The following ANK3 variants were observed in gnomAD, a reference collection of about 807,000 sequenced individuals.
The protein encoded by ANK3 is ankyrin 3, also known as ankyrin-3.
ANK3 carries 57 observed loss-of-function variants against 370.9 expected under a neutral mutation model. That is an observed-to-expected ratio of 0.15 (90% CI 0.12 to 0.19). The LOEUF (loss-of-function observed/expected upper bound fraction) is 0.19, where lower values mean the gene tolerates loss of function less well. Ranked by LOEUF, ANK3 falls within the 10% of genes least tolerant of loss-of-function variation. The probability of loss-of-function intolerance (pLI) is 1.00; values close to 1 mark genes in which losing one functional copy is unlikely to be tolerated. For missense variants in ANK3, 4,439 were observed against 5,302.1 expected, an observed-to-expected ratio of 0.84 and a Z score of 5.06; for synonymous variants, 1,929 against 1,946.3, an observed-to-expected ratio of 0.99 and a Z score of 0.23.
intron 1 of ANK3, among the ~76,000 whole-genome samples, chr10:60,303,478 T>C (rs528233630): frequency 1.3e-5 from 2 of 152,106 alleles, no homozygotes; most frequent in South Asian, 2.1e-4. Flanking sequence ...CCAGCAGATA[T>C]AGGAAATGGT....
chr10:60,091,201 C>T (rs554628403), intron 28 of ANK3, among the ~76,000 whole-genome samples: 3 of 152,288 alleles, frequency 2.0e-5, no homozygotes, highest in Admixed American at 6.5e-5. Flanking sequence ...CCACAGCACC[C>T]GGCAGCATTG....
rs753197813 is a variant in ANK3, at chr10:60,198,372, C to T, written c.1657G>A (p.Asp553Asn). 1.9e-6 allele frequency: 3 copies of T among 1,614,044 alleles called. No individual in the cohort carries two copies. The African/African-American group carries it at 4.0e-5, about 22-fold the overall frequency. Residue 553 changes from aspartate to asparagine, a missense_variant, in exon 14 of 44, where the codon GAT (aspartate) becomes AAT (asparagine). Asp to Asn is a conservative substitution (Grantham distance 23). Transcript: ENST00000280772. Reference protein sequence around the residue: ...GHEDVAAFLLDHGASLSITTK... With the variant: ...GHEDVAAFLLNHGASLSITTK... ...GTTATAGATAAAGACGCTCCATGATCCAAAAGGAACGCGGCCACATCCTCA... is the reference window on the plus strand; with the variant it reads ...GTTATAGATAAAGACGCTCCATGATTCAAAAGGAACGCGGCCACATCCTCA...
intron 4 of ANK3, 26 bp from the exon 5 acceptor site, chr10:60,270,255 G>C: frequency 6.6e-7 from 1 of 1,512,214 alleles, no homozygotes; most frequent in Non-Finnish European, 9.0e-7. Context: ...AAAAATGTTT[G>C]TCTGCAGCTT....
chr10:60,203,636 T>C (rs2096717830), intron 11 of ANK3, among the ~76,000 whole-genome samples: 1 of 152,232 alleles, frequency 6.6e-6, no homozygotes, highest in Non-Finnish European at 1.5e-5. Flanking sequence ...CATTTAATTG[T>C]TTAACTTTAT....
chr10:60,132,483 T>C (rs768579599), intron 25 of ANK3, among the ~76,000 whole-genome samples: 1 of 152,180 alleles, frequency 6.6e-6, no homozygotes, highest in Non-Finnish European at 1.5e-5. Context: ...TGTCTCTTTC[T>C]CTTCCACAAT....
At chr10:60,229,336 A>T (rs2097208537) in intron 8 of ANK3, among the ~76,000 whole-genome samples, 1 of 152,204 alleles carries the variant, frequency 6.6e-6, no homozygotes, top group East Asian at 1.9e-4. Context: ...GAACTCAAGG[A>T]GGAAGTACTG....
intron 28 of ANK3, among the ~76,000 whole-genome samples, chr10:60,096,732 GAA>G (rs1205776727): frequency 3.3e-5 from 5 of 150,318 alleles, no homozygotes; most frequent in Non-Finnish European, 7.4e-5. Context: ...TAAAAAATAA[GAA>G]TGGTTTAATA....
At chr10:60,487,121 G>A (rs2075369504) in intron 2 of ANK3, among the ~76,000 whole-genome samples, 1 of 152,028 alleles carries the variant, frequency 6.6e-6, no homozygotes, top group African/African-American at 2.4e-5. Flanking sequence ...TCTTGAGAGG[G>A]GAAAATAACT....
chr10:60,279,625 T>C lies in ANK3; in HGVS notation c.129A>G (p.Ala43=), dbSNP rs777687896. 5.6e-6 allele frequency: 9 copies of C among 1,610,694 alleles called. No individual in the cohort carries two copies. Among genetic ancestry groups the C allele is most frequent in the Non-Finnish European group, 7.6e-6 (9 of 1,179,118 alleles). ...CAGCTCGAGCTGCTCTTAAGTAACT[T>C]GCATTGGCATCAGACTAAAATAAAA... ...RDRKKKSDAN[A]SYLRAARAGH... The change falls in exon 2 of 44, where the codon GCA becomes GCG. Residue 43 remains alanine, a synonymous_variant. Coordinates refer to ENST00000280772, the MANE Select transcript of ANK3 (RefSeq NM_020987.5).
At chr10:60,169,132 T>A (rs1160319853) in intron 21 of ANK3, among the ~76,000 whole-genome samples, 2 of 152,170 alleles carry the variant, frequency 1.3e-5, no homozygotes, top group South Asian at 2.1e-4. Flanking sequence ...CTGTCTTATA[T>A]GATGGTTGAA....
chr10:60,694,296 G>T (rs1589038373), intron 1 of ANK3, among the ~76,000 whole-genome samples: 1 of 152,174 alleles, frequency 6.6e-6, no homozygotes, highest in Non-Finnish European at 1.5e-5. Flanking sequence ...AAGTGACGGG[G>T]AGAATGGAAC....
chr10:60,321,497 T>C (rs1280239918), intron 1 of ANK3, among the ~76,000 whole-genome samples: 3 of 152,324 alleles, frequency 2.0e-5, no homozygotes, highest in East Asian at 1.9e-4. Flanking sequence ...GGTAAATATA[T>C]GTGGACATGA....
intron 1 of ANK3, among the ~76,000 whole-genome samples, chr10:60,299,995 C>T (rs937190159): frequency 7.2e-5 from 11 of 151,960 alleles, no homozygotes; most frequent in African/African-American, 1.7e-4. Flanking sequence ...AACCTTTTTA[C>T]GCTCTTGGAT....
At chr10:60,196,341 C>A in intron 15 of ANK3, 98 bp from the exon 16 acceptor site, 1 of 1,126,222 alleles carries the variant, frequency 8.9e-7, no homozygotes. Context: ...CGACATAGGG[C>A]ATATTTACAT....
intron 1 of ANK3, among the ~76,000 whole-genome samples, chr10:60,331,492 T>C (rs942113053): frequency 2.6e-5 from 4 of 151,020 alleles, no homozygotes; most frequent in Admixed American, 6.6e-5. Flanking sequence ...ATTTCGACAA[T>C]GGGATTGATT....
rs546513909 is a variant in ANK3, at chr10:60,714,668, T to C, written c.57+18595A>G. 5.9e-5 allele frequency among the ~76,000 whole-genome samples: 9 copies of C among 152,260 alleles called. 1 individual carries two copies. The highest frequency in any genetic ancestry group is 1.7e-4 in the African/African-American group (7 of 41,552). ...AGAAAAAGCATTTGGCCAAATCAAA[T>C]GCTTAATCATAATAAAAATCTCAGT... On this transcript the variant is annotated intron_variant, in intron 1 of 43. Coordinates refer to the ANK3 transcript ENST00000373827.
At chr10:60,284,700 C>G (rs941092870) in intron 1 of ANK3, among the ~76,000 whole-genome samples, 4 of 152,020 alleles carry the variant, frequency 2.6e-5, no homozygotes, top group Non-Finnish European at 5.9e-5. Context: ...TTATGAGACT[C>G]AAGATCAGGC....
At chr10:60,242,976 T>C (rs752991587) in intron 7 of ANK3, among the ~76,000 whole-genome samples, 58 of 152,304 alleles carry the variant, frequency 3.8e-4, no homozygotes, top group Middle Eastern at 3.4e-3. Flanking sequence ...GACCAGGTCA[T>C]GCTGTCACCG....
intron 2 of ANK3, among the ~76,000 whole-genome samples, chr10:60,539,868 G>C (rs2076807685): frequency 6.6e-6 from 1 of 151,860 alleles, no homozygotes; most frequent in Non-Finnish European, 1.5e-5. Context: ...GAATATGATA[G>C]ATACGTTTTC....
Sources: allele counts gnomAD v4.1 joint callset (sites outside exome capture counted in the v4.1 genomes callset), GRCh38; gene constraint gnomAD v4.1.1; transcripts MANE v1.5; gene names NCBI Gene and HGNC (gene_info 2026-07-23, HGNC 2026-07-21).